The following UNC13C variants were observed in gnomAD, a reference collection of about 807,000 sequenced individuals.
The protein encoded by UNC13C is unc-13 homolog C, also known as protein unc-13 homolog C.
In UNC13C, 174 loss-of-function variants were observed where a neutral mutation model predicts 245.4. The ratio of observed to expected loss-of-function variants is 0.71; its 90% confidence interval spans 0.63 to 0.80. The LOEUF is 0.80. Ranked by LOEUF, UNC13C falls within the 30% of genes least tolerant of loss-of-function variation. UNC13C has a pLI of 0.00. For missense variants in UNC13C, 2,829 were observed against 2,602.9 expected, an observed-to-expected ratio of 1.09 and a Z score of -1.89; for synonymous variants, 992 against 895.1, an observed-to-expected ratio of 1.11 and a Z score of -1.93.
At chr15:54,270,671 GA>G (rs200386599) in intron 10 of UNC13C, among the ~76,000 whole-genome samples, 13 of 148,704 alleles carry the variant, frequency 8.7e-5, no homozygotes, top group South Asian at 4.3e-4. Context: ...GCTGTAAAAA[GA>G]AAAAAAAAAT....
chr15:53,910,154 T>C, the UNC13C span, among the ~76,000 whole-genome samples: 1 of 145,692 alleles, frequency 6.9e-6, no homozygotes. Context: ...GCTACTTATC[T>C]GGCAAGTGCA....
At chr15:54,319,359 AT>A (rs1567183716) in intron 13 of UNC13C, among the ~76,000 whole-genome samples, 1 of 151,558 alleles carries the variant, frequency 6.6e-6, no homozygotes, top group Non-Finnish European at 1.5e-5. Context: ...TTTAACTAAT[AT>A]TTTTTGTTAA....
At chr15:54,273,057 C>T (rs914404706) in intron 10 of UNC13C, among the ~76,000 whole-genome samples, 1 of 152,112 alleles carries the variant, frequency 6.6e-6, no homozygotes, top group Non-Finnish European at 1.5e-5. Context: ...GTTGGGGGTA[C>T]AAACAGCAAT....
downstream of UNC13C, chr15:54,632,687 T>A (rs1219741993): frequency 6.6e-6 from 1 of 152,202 alleles, no homozygotes; most frequent in Non-Finnish European, 1.5e-5. Context: ...ATTGACCAAA[T>A]GTGTGTGAGT....
chr15:54,478,538 A>C lies in UNC13C; in HGVS notation c.4934-16070A>C, dbSNP rs1892907452. Among the ~76,000 whole-genome samples the C allele has an allele frequency of 2.6e-5, 4 of 151,294 alleles. No homozygotes were observed. The South Asian group carries it at 8.4e-4, about 32-fold the overall frequency. On this transcript the variant is annotated intron_variant, in intron 19 of 32. Transcript: ENST00000260323. ...TTTGTTCTCATTGGTTTCAAAGAACATCTTTATTTCTGCCTTCATTTCATT... is the reference window on the plus strand; with the variant it reads ...TTTGTTCTCATTGGTTTCAAAGAACCTCTTTATTTCTGCCTTCATTTCATT...
rs557746508 is a variant in UNC13C, at chr15:54,061,701, G to C, written c.2983+45815G>C. ...ATGGTGCAAGAGAAAGTAGAAGGAG[G>C]GCTCTCATTCTATAAAACCTTTTCG... On this transcript the variant is annotated intron_variant, in intron 2 of 32. Coordinates refer to ENST00000260323, the MANE Select transcript of UNC13C (RefSeq NM_001080534.3). Among the ~76,000 whole-genome samples, 43 of 152,198 alleles carry C rather than the reference G, an allele frequency of 2.8e-4. 1 individual carries two copies. The South Asian group carries it at 8.5e-3, about 30-fold the overall frequency.
rs974973819 is a variant in UNC13C at position 54,203,766 on chromosome 15, G to A, written c.3072-31264G>A. Among the ~76,000 whole-genome samples, 7 of 104,406 alleles carry A rather than the reference G, an allele frequency of 6.7e-5. No individual in the cohort carries two copies. In the South Asian group the frequency reaches 1.3e-3, roughly 19 times the overall value. The allele number at this position is 104,406 out of a possible 152,430, so 68.5% of individuals were successfully genotyped here. ...TATATGTATATATACACATATATAT[G>A]TATATATACACACACATATAGATAT... On this transcript the variant is annotated intron_variant, in intron 4 of 32. Coordinates refer to ENST00000260323, the MANE Select transcript of UNC13C (RefSeq NM_001080534.3).
chr15:54,057,302 A>G (rs12324629), intron 2 of UNC13C, among the ~76,000 whole-genome samples: 138,261 of 142,692 alleles, frequency 0.97, 67,025 homozygotes, highest in East Asian at 1. Flanking sequence ...AAAGGCAGGG[A>G]TTGCAATCCT....
At chr15:53,990,385 A>C (rs1321182140) in intron 1 of UNC13C, among the ~76,000 whole-genome samples, 1 of 152,032 alleles carries the variant, frequency 6.6e-6, no homozygotes, top group Non-Finnish European at 1.5e-5. Context: ...ATGCAAAGTG[A>C]GAATGAAGGG....
At chr15:54,108,940 A>G (rs1442455144) in intron 2 of UNC13C, among the ~76,000 whole-genome samples, 1 of 152,142 alleles carries the variant, frequency 6.6e-6, no homozygotes, top group Non-Finnish European at 1.5e-5. Context: ...GCTTTTCTAC[A>G]TTTAGCCTGG....
intron 10 of UNC13C, among the ~76,000 whole-genome samples, chr15:54,284,065 T>C (rs2037075898): frequency 6.6e-6 from 1 of 152,186 alleles, no homozygotes; most frequent in Non-Finnish European, 1.5e-5. Context: ...TGATCTTTTG[T>C]TCCTCATTAC....
chr15:53,870,590 T>C, the UNC13C span, among the ~76,000 whole-genome samples: 1 of 152,126 alleles, frequency 6.6e-6, no homozygotes, highest in Non-Finnish European at 1.5e-5. Context: ...TTCTGTCTTA[T>C]ATAAGCCACT....
chr15:54,113,152 C>T (rs528507350), intron 2 of UNC13C, among the ~76,000 whole-genome samples: 18 of 151,778 alleles, frequency 1.2e-4, no homozygotes, highest in Non-Finnish European at 2.1e-4. Context: ...ATTGCAAACT[C>T]GTTGGGAGAA....
chr15:54,566,245 A>G (rs962869421), intron 29 of UNC13C, among the ~76,000 whole-genome samples: 2 of 152,062 alleles, frequency 1.3e-5, no homozygotes, highest in Non-Finnish European at 2.9e-5. Flanking sequence ...CAATACATCC[A>G]TGAAATCTTT....
intron 4 of UNC13C, among the ~76,000 whole-genome samples, chr15:54,156,095 A>G (rs887909049): frequency 6.6e-6 from 1 of 152,230 alleles, no homozygotes. Flanking sequence ...CTACAGGGTG[A>G]TGGTGAAAAT....
intron 19 of UNC13C, among the ~76,000 whole-genome samples, chr15:54,473,684 A>G (rs186612323): frequency 1.6e-4 from 25 of 151,914 alleles, no homozygotes; most frequent in Non-Finnish European, 2.8e-4. Flanking sequence ...TTACAGCTCA[A>G]TAGTATTCCA....
At chr15:54,184,627 A>T (rs1348563381) in intron 4 of UNC13C, among the ~76,000 whole-genome samples, 1 of 152,142 alleles carries the variant, frequency 6.6e-6, no homozygotes, top group Non-Finnish European at 1.5e-5. Context: ...ATAGTATTCC[A>T]TGGTGTATAT....
chr15:54,141,603 A>G (rs2032022538), intron 2 of UNC13C, among the ~76,000 whole-genome samples: 1 of 151,814 alleles, frequency 6.6e-6, no homozygotes. Context: ...TAAGATATAT[A>G]TTTTCTGGCC....
At chr15:54,245,209 T>G (rs2035960356) in intron 7 of UNC13C, among the ~76,000 whole-genome samples, 1 of 152,204 alleles carries the variant, frequency 6.6e-6, no homozygotes, top group South Asian at 2.1e-4. Context: ...GTATACATTT[T>G]TATTGAAAGT....
Sources: allele counts gnomAD v4.1 joint callset (sites outside exome capture counted in the v4.1 genomes callset), GRCh38; gene constraint gnomAD v4.1.1; transcripts MANE v1.5; gene names NCBI Gene and HGNC (gene_info 2026-07-23, HGNC 2026-07-21).